The following TTC27 variants were observed in gnomAD, a reference collection of about 807,000 sequenced individuals.
The protein encoded by TTC27 is tetratricopeptide repeat domain 27, also known as tetratricopeptide repeat protein 27.
Under a neutral mutation model 115.9 loss-of-function variants are expected in TTC27, and 79 were observed. That is an observed-to-expected ratio of 0.68 (90% CI 0.57 to 0.82). The LOEUF (loss-of-function observed/expected upper bound fraction) is 0.82, where lower values mean the gene tolerates loss of function less well. Among genes scored for constraint, TTC27 ranks in the 40% least tolerant of loss-of-function variants. The pLI, the probability that TTC27 is intolerant of heterozygous loss-of-function variation, is 0.00. For missense variants in TTC27, 1,054 were observed against 993.1 expected, an observed-to-expected ratio of 1.06 and a Z score of -0.82; for synonymous variants, 401 against 356.0, an observed-to-expected ratio of 1.13 and a Z score of -1.42.
chr2:32,647,922 A>C (rs1017125091), intron 4 of TTC27, among the ~76,000 whole-genome samples: 10 of 152,220 alleles, frequency 6.6e-5, no homozygotes, highest in Non-Finnish European at 1.3e-4. Context: ...TTAGACTTTC[A>C]TGTAATATAA....
At chr2:32,712,491 A>C (rs761586758) in intron 10 of TTC27, among the ~76,000 whole-genome samples, 2 of 152,222 alleles carry the variant, frequency 1.3e-5, no homozygotes, top group Non-Finnish European at 2.9e-5. Context: ...CCAGTGGAGT[A>C]TAAAATAGTG....
Position 32,633,967 on chromosome 2 carries a change from G to A in TTC27, c.358G>A (p.Asp120Asn). 6.2e-7 allele frequency: 1 copy of A among 1,613,780 alleles called. No individual in the cohort carries two copies. The highest frequency in any genetic ancestry group is 8.5e-7 in the Non-Finnish European group (1 of 1,179,848). Reference protein sequence around the residue: ...TGPPVDLHPQDFLSSVLFQQF... With the variant: ...TGPPVDLHPQNFLSSVLFQQF... Reference sequence around the variant, plus strand: ...GCCCCCTGTTGACTTACACCCTCAGGACTTTTTGTCATCTGTTTTGTTCCA... The same window carrying A: ...GCCCCCTGTTGACTTACACCCTCAGAACTTTTTGTCATCTGTTTTGTTCCA... The change falls in exon 3 of 20, where the codon GAC becomes AAC. Residue 120 changes from aspartate to asparagine, a missense_variant. Asp to Asn is a conservative substitution (Grantham distance 23, BLOSUM62 1). Coordinates refer to ENST00000317907, the MANE Select transcript of TTC27 (RefSeq NM_017735.5).
At chr2:32,643,352 C>G (rs1330710971) in intron 4 of TTC27, among the ~76,000 whole-genome samples, 3 of 152,112 alleles carry the variant, frequency 2.0e-5, no homozygotes, top group Non-Finnish European at 4.4e-5. Flanking sequence ...GTTGCCCAGG[C>G]TGAAGTGCAG....
intron 8 of TTC27, among the ~76,000 whole-genome samples, chr2:32,675,863 C>T (rs939400997): frequency 6.6e-6 from 1 of 151,904 alleles, no homozygotes; most frequent in Non-Finnish European, 1.5e-5. Flanking sequence ...GCAATCTTGA[C>T]TCACTGCAAC....
At chr2:32,708,995 G>A (rs1382005877) in intron 10 of TTC27, among the ~76,000 whole-genome samples, 1 of 152,156 alleles carries the variant, frequency 6.6e-6, no homozygotes, top group African/African-American at 2.4e-5. Flanking sequence ...ATTTGTGACT[G>A]CATAGGGGGG....
At chr2:32,782,549 T>C (rs990468009) in intron 14 of TTC27, 77 bp from the exon 15 acceptor site, 1 of 1,249,406 alleles carries the variant, frequency 8.0e-7, no homozygotes, top group Non-Finnish European at 1.2e-6. Context: ...ACTAGGAGAG[T>C]GTGTTGTACT....
chr2:32,708,179 C>T (rs1667442335), intron 10 of TTC27, among the ~76,000 whole-genome samples: 2 of 151,948 alleles, frequency 1.3e-5, no homozygotes, highest in South Asian at 2.1e-4. Context: ...TTTGCTTCTC[C>T]TCCTCAGCCT....
chr2:32,745,677 A>G (rs533873498), intron 12 of TTC27, among the ~76,000 whole-genome samples: 6 of 152,076 alleles, frequency 3.9e-5, no homozygotes, highest in Admixed American at 3.9e-4. Context: ...TTTGAAAAAA[A>G]AATAATAATA....
At chr2:32,730,045 G>T (rs961225536) in intron 10 of TTC27, among the ~76,000 whole-genome samples, 1 of 152,058 alleles carries the variant, frequency 6.6e-6, no homozygotes, top group Non-Finnish European at 1.5e-5. Context: ...GTTTATATTC[G>T]CATTCATGCA....
intron 2 of TTC27, among the ~76,000 whole-genome samples, chr2:32,633,105 T>C (rs1023703352): frequency 1.3e-5 from 2 of 152,332 alleles, no homozygotes; most frequent in East Asian, 1.9e-4. Context: ...ATCATCACTT[T>C]TCTTTTGTAT....
Position 32,678,972 on chromosome 2 carries a change from C to A in TTC27, c.1119+50C>A, listed in dbSNP as rs1559202224. On this transcript the variant is annotated intron_variant, in intron 9 of 19. Transcript: ENST00000317907. ...ATTTCATTTTTTTCCTGGTAAATTA[C>A]TTCCTCTGGTATGGTCTTGCCTTGG... The A allele has an allele frequency of 6.7e-6, 10 of 1,494,918 alleles. No homozygotes were observed. The Middle Eastern group carries it at 5.1e-4, about 77-fold the overall frequency. 92.6% of individuals were successfully genotyped at this position (1,494,918 alleles called of 1,614,324 possible). A position where few individuals can be genotyped will look rare whatever the true frequency, so the allele number is the denominator to read the frequency against.
At chr2:32,643,182 T>C (rs540080016) in intron 4 of TTC27, among the ~76,000 whole-genome samples, 1 of 152,276 alleles carries the variant, frequency 6.6e-6, no homozygotes, top group South Asian at 2.1e-4. Flanking sequence ...TTAGCATATA[T>C]GAGGCTTCGT....
intron 9 of TTC27, among the ~76,000 whole-genome samples, chr2:32,686,018 G>A (rs545803063): frequency 6.6e-6 from 1 of 152,210 alleles, no homozygotes; most frequent in Non-Finnish European, 1.5e-5. Context: ...AGAATACAAG[G>A]TCAATATAAA....
At chr2:32,756,585 T>C (rs112069846) in intron 12 of TTC27, among the ~76,000 whole-genome samples, 3 of 152,362 alleles carry the variant, frequency 2.0e-5, no homozygotes, top group African/African-American at 7.2e-5. Context: ...TTTAGAAGTA[T>C]AGTCTTCTTT....
chr2:32,720,275 G>C (rs1667880224), intron 10 of TTC27, among the ~76,000 whole-genome samples: 1 of 152,012 alleles, frequency 6.6e-6, no homozygotes, highest in African/African-American at 2.4e-5. Context: ...CTTCTTGAGG[G>C]GTCAGTTTCT....
At chr2:32,796,934 A>G (rs1670721841) in intron 16 of TTC27, among the ~76,000 whole-genome samples, 1 of 151,744 alleles carries the variant, frequency 6.6e-6, no homozygotes, top group Non-Finnish European at 1.5e-5. Context: ...GCACTTTGGG[A>G]GGATGAGGTG....
intron 13 of TTC27, among the ~76,000 whole-genome samples, chr2:32,771,229 G>A (rs1669819114): frequency 6.6e-6 from 1 of 152,208 alleles, no homozygotes; most frequent in Non-Finnish European, 1.5e-5. Flanking sequence ...ATTAGAGCCA[G>A]TATATGTTAG....
In TTC27 at chr2:32,772,619, G is replaced by A. The variant is rs1482903747; in HGVS notation, c.1681-5263G>A. On this transcript the variant is annotated intron_variant, in intron 13 of 19. Coordinates refer to ENST00000317907, the MANE Select transcript of TTC27 (RefSeq NM_017735.5). Reference sequence around the variant, plus strand: ...TGATTTTCTCTATCTGTAGTCTAATGTAAGTGTTCTGAGCATGTTTAAGGT... The same window carrying A: ...TGATTTTCTCTATCTGTAGTCTAATATAAGTGTTCTGAGCATGTTTAAGGT... Among the ~76,000 whole-genome samples, 3 of 152,154 alleles carry A rather than the reference G, an allele frequency of 2.0e-5. No individual in the cohort carries two copies. In the East Asian group the frequency reaches 5.8e-4, roughly 29 times the overall value.
chr2:32,642,916 C>A (rs1473163653), intron 4 of TTC27, among the ~76,000 whole-genome samples: 1 of 152,066 alleles, frequency 6.6e-6, no homozygotes, highest in African/African-American at 2.4e-5. Flanking sequence ...GATTCACCTG[C>A]CTCCATCTCC....
Sources: allele counts gnomAD v4.1 joint callset (sites outside exome capture counted in the v4.1 genomes callset), GRCh38; gene constraint gnomAD v4.1.1; transcripts MANE v1.5; gene names NCBI Gene and HGNC (gene_info 2026-07-23, HGNC 2026-07-21).